Variants in SELENBP1 observed in about 807,000 individuals in gnomAD.
The protein encoded by SELENBP1 is methanethiol oxidase.
In SELENBP1, 71 loss-of-function variants were observed where a neutral mutation model predicts 61.0. The observed-to-expected ratio is 1.16, with a 90% confidence interval of 0.96 to 1.42. The LOEUF (loss-of-function observed/expected upper bound fraction) is 1.42, where lower values mean the gene tolerates loss of function less well. Among genes scored for constraint, SELENBP1 ranks in the 40% most tolerant of loss-of-function variants. SELENBP1 has a pLI of 0.00. For missense variants in SELENBP1, 561 were observed against 605.0 expected, an observed-to-expected ratio of 0.93 and a Z score of 0.76; for synonymous variants, 270 against 238.9, an observed-to-expected ratio of 1.13 and a Z score of -1.20.
intron 11 of SELENBP1, 65 bp downstream of exon 11, chr1:151,364,861 G>T: frequency 6.4e-7 from 1 of 1,567,932 alleles, no homozygotes. Context: ...GGAGTCTTCA[G>T]AAAGCCAAAT....
intron 11 of SELENBP1, 104 bp downstream of exon 11, chr1:151,364,821 CT>C: frequency 6.7e-7 from 1 of 1,483,308 alleles, no homozygotes; most frequent in Non-Finnish European, 9.2e-7. Flanking sequence ...AATGGGCCAT[CT>C]GTGTGGTGGG....
At chr1:151,371,733 G>T (rs1270642372) in intron 1 of SELENBP1, among the ~76,000 whole-genome samples, 1 of 152,168 alleles carries the variant, frequency 6.6e-6, no homozygotes, top group Non-Finnish European at 1.5e-5. Flanking sequence ...AAGTAAAAGT[G>T]CAGAGATGGA....
intron 1 of SELENBP1, chr1:151,370,014 A>T (rs1305778235): frequency 1.4e-6 from 2 of 1,439,934 alleles, no homozygotes; most frequent in African/African-American, 2.9e-5. Flanking sequence ...GGGCCCCGGG[A>T]GGGTGGGAGG....
intron 3 of SELENBP1, 40 bp downstream of exon 3, chr1:151,369,402 C>T: frequency 1.9e-6 from 3 of 1,565,300 alleles, no homozygotes; most frequent in Non-Finnish European, 2.6e-6. Flanking sequence ...ATGAGGGCAG[C>T]TATGGTCTCA....
rs749975007 is a variant in SELENBP1 at position 151,365,786 on chromosome 1, G to T, written c.904C>A (p.Leu302Met). Residue 302 changes from leucine (L) to methionine (M), a missense_variant, in exon 8 of 12, where the codon CTG (leucine) becomes ATG (methionine). Physicochemically the swap from Leu to Met is conservative, Grantham distance 15. Transcript: ENST00000368868. ...CACTCACCTGGCATTTCGGGCAGCA[G>T]CCAGCCCTTCACTTTCTTGGGGGGC... ...QVPPKKVKGW[L>M]LPEMPGLITD... 1 of 1,614,164 alleles carries T rather than the reference G, an allele frequency of 6.2e-7. No homozygotes were observed. The highest frequency in any genetic ancestry group is 2.2e-5 in the East Asian group (1 of 44,876).
intron 7 of SELENBP1, 83 bp downstream of exon 7, chr1:151,366,192 C>A: frequency 6.6e-7 from 1 of 1,514,434 alleles, no homozygotes; most frequent in Non-Finnish European, 8.9e-7. Context: ...CTGGAGACGC[C>A]TGGGAGCACC....
In SELENBP1 at chr1:151,364,413, T is replaced by C. The variant is rs1651684886; in HGVS notation, c.*130A>G. The C allele has an allele frequency of 5.4e-6, 6 of 1,105,026 alleles. No homozygotes were observed. Among genetic ancestry groups the C allele is most frequent in the African/African-American group, 1.6e-5 (1 of 64,440 alleles). The allele number at this position is 1,105,026 out of a possible 1,614,324, so 68.5% of individuals were successfully genotyped here. On this transcript the variant is annotated 3_prime_UTR_variant, in exon 12 of 12. Transcript: ENST00000368868. ...CAGTAAATGTATATGACTCAACACATTGCCACAGTCTCAGCTTGGCTGTGT... is the reference window on the plus strand; with the variant it reads ...CAGTAAATGTATATGACTCAACACACTGCCACAGTCTCAGCTTGGCTGTGT...
At position 151,371,964 on chromosome 1, in the gene SELENBP1, G is replaced by T. The variant is rs1161190058; in HGVS notation, c.4+674C>A. Among the ~76,000 whole-genome samples the T allele has an allele frequency of 2.0e-5, 3 of 152,230 alleles. No homozygotes were observed. The South Asian group carries it at 6.2e-4, about 32-fold the overall frequency. ...GTGGGTTTTCCATGTCAGGCTGGCT[G>T]CTGGGCATTCTGCCAGCTCGGCATT... On this transcript the variant is annotated intron_variant, in intron 1 of 11. Transcript: ENST00000368868.
chr1:151,370,193 G>A, intron 1 of SELENBP1: 2 of 425,322 alleles, frequency 4.7e-6, no homozygotes, highest in Non-Finnish European at 8.7e-6. Flanking sequence ...TTCACAGTGG[G>A]CTTTTACGAG....
intron 3 of SELENBP1, 70 bp from the exon 4 acceptor site, chr1:151,369,259 G>A: frequency 6.4e-7 from 1 of 1,555,526 alleles, no homozygotes; most frequent in Non-Finnish European, 8.8e-7. Flanking sequence ...GGCGCCCTGT[G>A]GACTCATTTT....
At chr1:151,366,521 G>A (rs1651830225) in intron 6 of SELENBP1, 68 bp from the exon 7 acceptor site, 1 of 1,550,060 alleles carries the variant, frequency 6.5e-7, no homozygotes, top group Non-Finnish European at 8.8e-7. Flanking sequence ...CAAAGACTGG[G>A]CCACCAATCA....
intron 1 of SELENBP1, chr1:151,370,075 G>A (rs968942641): frequency 7.9e-6 from 10 of 1,264,052 alleles, no homozygotes; most frequent in Non-Finnish European, 8.4e-6. Context: ...ACACGGACTC[G>A]GGGCCCAACC....
intron 4 of SELENBP1, 82 bp from the exon 5 acceptor site, chr1:151,368,401 T>C (rs900453891): frequency 1.3e-6 from 2 of 1,539,728 alleles, no homozygotes; most frequent in African/African-American, 1.4e-5. Flanking sequence ...CCTACTTCTA[T>C]CTGCTGACTC....
intron 5 of SELENBP1, chr1:151,367,322 C>T (rs1651881636): frequency 3.6e-5 from 1 of 28,168 alleles, no homozygotes; most frequent in Admixed American, 4.6e-4. Context: ...CTAGCCTGGG[C>T]AACAGAACGA....
chr1:151,368,355 G>A lies in SELENBP1; in HGVS notation c.361-36C>T, dbSNP rs568115579. On this transcript the variant is annotated intron_variant, in intron 4 of 11. Transcript: ENST00000368868. ...TGGGGAATGGTGTCAGAATCATACAGGACTGGGAGTCCCTGCTCTTAACCT... is the reference window on the plus strand; with the variant it reads ...TGGGGAATGGTGTCAGAATCATACAAGACTGGGAGTCCCTGCTCTTAACCT... 13 of 1,604,362 alleles carry A rather than the reference G, an allele frequency of 8.1e-6. No homozygotes were observed. In the South Asian group the frequency reaches 1.3e-4, roughly 16 times the overall value.
At chr1:151,371,070 G>A (rs1652114181) in intron 1 of SELENBP1, among the ~76,000 whole-genome samples, 1 of 152,132 alleles carries the variant, frequency 6.6e-6, no homozygotes, top group African/African-American at 2.4e-5. Flanking sequence ...ATAAGACAAT[G>A]TATTCCAAAG....
chr1:151,372,667 C>T lies in SELENBP1; in HGVS notation c.-26G>A, dbSNP rs377599512. On this transcript the variant is annotated 5_prime_UTR_variant, in exon 1 of 12. Transcript: ENST00000368868. ...GCTGCCGACTGGTACACTTTGATCCCGGCGGGTTTGCTGTGCTGGTGTCAG... is the reference window on the plus strand; with the variant it reads ...GCTGCCGACTGGTACACTTTGATCCTGGCGGGTTTGCTGTGCTGGTGTCAG... 2.8e-5 allele frequency: 46 copies of T among 1,614,054 alleles called. No individual in the cohort carries two copies. Among genetic ancestry groups the T allele is most frequent in the East Asian group, 6.7e-5 (3 of 44,872 alleles).
chr1:151,370,128 T>A, intron 1 of SELENBP1: 1 of 673,592 alleles, frequency 1.5e-6, no homozygotes, highest in Non-Finnish European at 2.3e-6. Context: ...GGCAAAGTAC[T>A]GAAGCTCCTC....
In SELENBP1 at chr1:151,366,901, C is replaced by T. The variant is rs779970401; in HGVS notation, c.485G>A (p.Gly162Asp). Residue 162 changes from glycine to aspartate, a missense_variant, in exon 6 of 12, where the codon GGT becomes GAT. By Grantham distance (94) the Gly-to-Asp change is moderately conservative. Transcript: ENST00000368868. ...LGDVKGNGKG[G>D]FVLLDGETFE... The stretch of plus-strand genomic sequence containing the variant: ...CGTCTCCCCATCCAGCAGCACAAAA[C>T]CCCCTGAACAGGGAAGGAAGCAGGG... The T allele has an allele frequency of 2.7e-5, 43 of 1,613,528 alleles. No homozygotes were observed. The highest frequency in any genetic ancestry group is 3.5e-5 in the Non-Finnish European group (41 of 1,179,600).
Sources: gnomAD v4.1 joint callset for allele counts (sites outside exome capture counted in the v4.1 genomes callset) on GRCh38, gnomAD v4.1.1 for gene constraint, MANE v1.5 for transcripts, NCBI Gene and HGNC (gene_info 2026-07-23, HGNC 2026-07-21) for gene names.